MAP3K5: variants seen among roughly 807,000 people sequenced by gnomAD.
MAP3K5 encodes the protein mitogen-activated protein kinase kinase kinase 5, also known as ASK-1.
In MAP3K5, 56 loss-of-function variants were observed where a neutral mutation model predicts 158.7. The observed-to-expected ratio is 0.35, with a 90% CI of 0.28 to 0.44. The LOEUF (loss-of-function observed/expected upper bound fraction) is 0.44, where lower values mean the gene tolerates loss of function less well. Among genes scored for constraint, MAP3K5 ranks in the 20% least tolerant of loss-of-function variants. MAP3K5 has a pLI of 1.00. For synonymous variants in MAP3K5, 579 were observed against 601.7 expected (o/e 0.96, Z 0.55); for missense variants, 1,294 against 1,674.8 (o/e 0.77, Z 3.97).
chr6:136,611,130 AAAAAG>A, intron 18 of MAP3K5, 147 bp downstream of exon 18: 21 of 477,466 alleles, frequency 4.4e-5, no homozygotes, highest in South Asian at 2.1e-4. Context: ...AAAAAAAAAA[AAAAAG>A]AAAGAAAAGA....
At chr6:136,669,172 G>A (rs1779359670) in intron 8 of MAP3K5, 111 bp downstream of exon 8, 9 of 758,900 alleles carry the variant, frequency 1.2e-5, no homozygotes, top group South Asian at 3.1e-5. Flanking sequence ...TTCTCTTTGG[G>A]AAGTATGAAA....
At chr6:136,769,811 G>GGAAGGGA (rs1562691277) in intron 1 of MAP3K5, among the ~76,000 whole-genome samples, 2 of 35,692 alleles carry the variant, frequency 5.6e-5, no homozygotes, top group Non-Finnish European at 1.2e-4. Context: ...GAGGGAGGGA[G>GGAAGGGA]GGGACGGGAG....
intron 1 of MAP3K5, among the ~76,000 whole-genome samples, chr6:136,742,286 T>C (rs1037220175): frequency 5.3e-5 from 8 of 151,982 alleles, no homozygotes; most frequent in African/African-American, 1.7e-4. Context: ...ACTACAGAAA[T>C]AGATCAACGG....
At chr6:136,765,843 T>C (rs1783945635) in intron 1 of MAP3K5, among the ~76,000 whole-genome samples, 1 of 152,062 alleles carries the variant, frequency 6.6e-6, no homozygotes, top group Admixed American at 6.6e-5. Context: ...ACTGCTTTTA[T>C]CTCCACCTTA....
chr6:136,722,616 G>A (rs1781788949), intron 1 of MAP3K5, among the ~76,000 whole-genome samples: 2 of 150,108 alleles, frequency 1.3e-5, no homozygotes, highest in African/African-American at 4.9e-5. Context: ...TGAAAATGCA[G>A]AGAAATGACA....
Position 136,558,784 on chromosome 6 carries a change from GA to G in MAP3K5, c.4064+15del. The G allele has an allele frequency of 6.6e-7, 1 of 1,517,968 alleles. No individual in the cohort carries two copies. The highest frequency in any genetic ancestry group is 9.1e-7 in the Non-Finnish European group (1 of 1,094,648). 94.0% of individuals were successfully genotyped at this position (1,517,968 alleles called of 1,614,324 possible). On this transcript the variant is annotated intron_variant, in intron 29 of 29. Transcript: ENST00000359015. Reference sequence around the variant, plus strand: ...TGGTGCTCTTTCCATAGTGACAACAGAAAGAAAAGTGGTACCTTAGTCTCAA... The same window carrying G: ...TGGTGCTCTTTCCATAGTGACAACAGAAGAAAAGTGGTACCTTAGTCTCAA...
intron 2 of MAP3K5, among the ~76,000 whole-genome samples, chr6:136,717,113 G>GA (rs1443834500): frequency 6.7e-6 from 1 of 149,208 alleles, no homozygotes; most frequent in Non-Finnish European, 1.5e-5. Context: ...AAAAAAAAAA[G>GA]AAAAAATCAA....
chr6:136,655,608 C>T (rs1583354623), intron 10 of MAP3K5, among the ~76,000 whole-genome samples: 1 of 152,144 alleles, frequency 6.6e-6, no homozygotes, highest in East Asian at 1.9e-4. Flanking sequence ...TTTGTACATA[C>T]AGGGAGTTGC....
At chr6:136,719,881 T>A (rs1477306401) in intron 2 of MAP3K5, among the ~76,000 whole-genome samples, 5 of 152,210 alleles carry the variant, frequency 3.3e-5, no homozygotes, top group African/African-American at 1.2e-4. Context: ...GGCAAACTTC[T>A]TTGGATGGAG....
chr6:136,672,131 C>T (rs9376222), intron 7 of MAP3K5, among the ~76,000 whole-genome samples: 21,522 of 152,046 alleles, frequency 0.14, 2,110 homozygotes, highest in African/African-American at 0.27. Context: ...ACCTACATAG[C>T]CATTTGTATT....
chr6:136,668,538 G>C (rs765875641), intron 8 of MAP3K5, among the ~76,000 whole-genome samples: 3 of 152,124 alleles, frequency 2.0e-5, no homozygotes, highest in Non-Finnish European at 4.4e-5. Flanking sequence ...TCTCTGAAAG[G>C]AGGTCGTTAG....
intron 2 of MAP3K5, among the ~76,000 whole-genome samples, chr6:136,711,045 T>A (rs1448461001): frequency 1.3e-5 from 2 of 152,104 alleles, no homozygotes; most frequent in African/African-American, 2.4e-5. Flanking sequence ...TAAAACAAGC[T>A]GAGCAGACTC....
At chr6:136,695,246 T>G (rs1562620458) in intron 6 of MAP3K5, among the ~76,000 whole-genome samples, 1 of 152,168 alleles carries the variant, frequency 6.6e-6, no homozygotes, top group Non-Finnish European at 1.5e-5. Context: ...CAAGCGATTC[T>G]CCTGCCTCAG....
At chr6:136,788,749 A>C (rs1422707237) in intron 1 of MAP3K5, among the ~76,000 whole-genome samples, 2 of 152,226 alleles carry the variant, frequency 1.3e-5, no homozygotes, top group South Asian at 4.1e-4. Context: ...GTCAAAAAAT[A>C]ACAGATGTTG....
intron 2 of MAP3K5, among the ~76,000 whole-genome samples, chr6:136,713,950 AGT>A (rs545066528): frequency 1.3e-5 from 2 of 152,352 alleles, no homozygotes; most frequent in South Asian, 4.1e-4. Flanking sequence ...ACATTTACTG[AGT>A]GTGTACTTTG....
chr6:136,564,218 A>G (rs1482970563), intron 26 of MAP3K5, among the ~76,000 whole-genome samples: 1 of 152,174 alleles, frequency 6.6e-6, no homozygotes, highest in African/African-American at 2.4e-5. Context: ...TGGGAAGGAA[A>G]CCTTCCCAGA....
chr6:136,694,083 CT>C, intron 7 of MAP3K5, 56 bp downstream of exon 7: 3 of 1,424,878 alleles, frequency 2.1e-6, no homozygotes, highest in Non-Finnish European at 1.9e-6. Context: ...TTTGCAAATA[CT>C]TTTTTATGCC....
intron 15 of MAP3K5, among the ~76,000 whole-genome samples, chr6:136,614,960 C>G (rs940362797): frequency 1.3e-5 from 2 of 152,124 alleles, no homozygotes; most frequent in Non-Finnish European, 2.9e-5. Context: ...CCTCATGAAG[C>G]CTCCACATTG....
At chr6:136,771,750 C>T (rs1784207522) in intron 1 of MAP3K5, among the ~76,000 whole-genome samples, 1 of 152,160 alleles carries the variant, frequency 6.6e-6, no homozygotes, top group African/African-American at 2.4e-5. Flanking sequence ...AAGCCAAGAA[C>T]CCTCATGGGC....
Sources: allele counts gnomAD v4.1 joint callset (sites outside exome capture counted in the v4.1 genomes callset), GRCh38; gene constraint gnomAD v4.1.1; transcripts MANE v1.5; gene names NCBI Gene and HGNC (gene_info 2026-07-23, HGNC 2026-07-21).